Variants in SUCLG2 observed in about 807,000 individuals in gnomAD.
SUCLG2 encodes the protein succinate--CoA ligase [GDP-forming] subunit beta, mitochondrial.
SUCLG2 carries 42 observed loss-of-function variants against 47.9 expected under a neutral mutation model. The observed-to-expected ratio is 0.88, with a 90% CI of 0.69 to 1.14. SUCLG2 has a LOEUF of 1.14. Among genes scored for constraint, SUCLG2 ranks in the 50% most tolerant of loss-of-function variants. SUCLG2 has a pLI of 0.00. For synonymous variants in SUCLG2, 195 were observed against 197.3 expected (o/e 0.99, Z 0.10); for missense variants, 571 against 525.9 (o/e 1.09, Z -0.84).
At chr3:67,362,810 C>A (rs1250918841) in intron 10 of SUCLG2, among the ~76,000 whole-genome samples, 2 of 152,114 alleles carry the variant, frequency 1.3e-5, no homozygotes, top group Non-Finnish European at 2.9e-5. Flanking sequence ...CTGAGAGGTA[C>A]ACAAATAAGC....
At chr3:67,364,279 T>A (rs1701846780) in intron 10 of SUCLG2, among the ~76,000 whole-genome samples, 1 of 152,108 alleles carries the variant, frequency 6.6e-6, no homozygotes, top group South Asian at 2.1e-4. Flanking sequence ...TTCTAGACAG[T>A]AACAAGACTT....
Position 67,360,675 on chromosome 3 carries a change from G to A in SUCLG2, c.1277C>T (p.Ala426Val), listed in dbSNP as rs1238768986. The change falls in exon 11 of 11, where the codon GCC becomes GTC. Residue 426 changes from alanine to valine, a missense_variant. Transcript: ENST00000493112. Reference sequence around the variant, plus strand: ...GGCACACTTACTCAGATTTTGGTGGGCGACGTTCTCTTGGATACCAGTTAT... The same window carrying A: ...GGCACACTTACTCAGATTTTGGTGGACGACGTTCTCTTGGATACCAGTTAT... 3.0e-5 allele frequency: 46 copies of A among 1,522,888 alleles called. No homozygotes were observed. The highest frequency in any genetic ancestry group is 3.8e-5 in the Non-Finnish European group (43 of 1,138,506). The allele number at this position is 1,522,888 out of a possible 1,614,324, so 94.3% of individuals were successfully genotyped here.
chr3:67,652,754 A>G (rs765069899), intron 1 of SUCLG2, among the ~76,000 whole-genome samples: 2 of 152,204 alleles, frequency 1.3e-5, no homozygotes, highest in Non-Finnish European at 2.9e-5. Flanking sequence ...TTACTCTGGA[A>G]TGCCACAAAC....
At chr3:67,452,027 A>G (rs1272953481) in intron 9 of SUCLG2, among the ~76,000 whole-genome samples, 1 of 152,126 alleles carries the variant, frequency 6.6e-6, no homozygotes, top group Non-Finnish European at 1.5e-5. Context: ...TTCATTGTCA[A>G]CTCCCTAGAA....
At chr3:67,538,025 G>C (rs1169539350) in intron 2 of SUCLG2, among the ~76,000 whole-genome samples, 1 of 152,168 alleles carries the variant, frequency 6.6e-6, no homozygotes, top group Non-Finnish European at 1.5e-5. Flanking sequence ...TAGGCTGCCT[G>C]TTCACTCGGA....
chr3:67,443,664 G>A (rs1468618244), intron 9 of SUCLG2, among the ~76,000 whole-genome samples: 15 of 85,384 alleles, frequency 1.8e-4, no homozygotes, highest in East Asian at 1.3e-3. Context: ...CTGCCTGGCC[G>A]CCCATCGTCT....
intron 9 of SUCLG2, among the ~76,000 whole-genome samples, chr3:67,409,368 T>C (rs1266458618): frequency 6.6e-6 from 1 of 152,148 alleles, no homozygotes; most frequent in Admixed American, 6.5e-5. Context: ...CCATAAAAAT[T>C]CTAATGGTGA....
intron 10 of SUCLG2, among the ~76,000 whole-genome samples, chr3:67,385,246 T>C (rs1255762855): frequency 6.6e-6 from 1 of 152,146 alleles, no homozygotes; most frequent in African/African-American, 2.4e-5. Context: ...CCTCTCCTTA[T>C]AAAAATGGCC....
At chr3:67,480,286 A>G (rs1704879153) in intron 9 of SUCLG2, among the ~76,000 whole-genome samples, 1 of 152,214 alleles carries the variant, frequency 6.6e-6, no homozygotes, top group Non-Finnish European at 1.5e-5. Context: ...AATAAGGAGG[A>G]GCTATAGAGC....
intron 10 of SUCLG2, 74 bp from the exon 11 acceptor site, chr3:67,375,933 C>T: frequency 6.4e-7 from 1 of 1,552,524 alleles, no homozygotes; most frequent in East Asian, 2.4e-5. Context: ...CAAGGACACA[C>T]AAGACTCACC....
intron 4 of SUCLG2, 41 bp downstream of exon 4, chr3:67,528,084 CTATTTTT>C (rs1327166526): frequency 6.5e-7 from 1 of 1,529,980 alleles, no homozygotes; most frequent in Non-Finnish European, 9.0e-7. Flanking sequence ...GTTTTCTTTT[CTATTTTT>C]TAACACATAT....
chr3:67,523,496 A>G (rs1164772882), intron 4 of SUCLG2, among the ~76,000 whole-genome samples: 1 of 152,190 alleles, frequency 6.6e-6, no homozygotes, highest in East Asian at 1.9e-4. Context: ...TTGAAACCGT[A>G]AATTCTTTCA....
intron 2 of SUCLG2, among the ~76,000 whole-genome samples, chr3:67,580,779 A>T (rs1220554286): frequency 2.0e-5 from 3 of 152,226 alleles, no homozygotes; most frequent in Non-Finnish European, 2.9e-5. Context: ...ATAATTTCAC[A>T]AGTGAGTTGT....
chr3:67,402,737 T>C (rs78993912), intron 9 of SUCLG2, among the ~76,000 whole-genome samples: 247 of 152,336 alleles, frequency 1.6e-3, no homozygotes, highest in Non-Finnish European at 3.1e-3. Context: ...AAAACACACA[T>C]TGGCACCTGC....
intron 2 of SUCLG2, among the ~76,000 whole-genome samples, chr3:67,591,600 T>C (rs1419027439): frequency 2.6e-5 from 4 of 152,168 alleles, no homozygotes; most frequent in African/African-American, 7.2e-5. Flanking sequence ...CATTTTTCTC[T>C]TGCTGCCACC....
chr3:67,408,951 T>C, intron 9 of SUCLG2: 4 of 1,534,450 alleles, frequency 2.6e-6, no homozygotes, highest in East Asian at 2.4e-5. Context: ...CAGCTCCATA[T>C]TGGTCCTATT....
At chr3:67,520,171 T>A (rs1706056440) in intron 5 of SUCLG2, among the ~76,000 whole-genome samples, 1 of 151,970 alleles carries the variant, frequency 6.6e-6, no homozygotes, top group Admixed American at 6.6e-5. Flanking sequence ...GAAATGAAAA[T>A]ATAGCAGTCC....
At chr3:67,443,608 G>A (rs1703830991) in intron 9 of SUCLG2, among the ~76,000 whole-genome samples, 1 of 69,148 alleles carries the variant, frequency 1.4e-5, no homozygotes, top group Non-Finnish European at 3.2e-5. Flanking sequence ...GAAGTGAGGA[G>A]CGCCTCTTCC....
At chr3:67,540,473 A>G (rs1706673346) in intron 2 of SUCLG2, among the ~76,000 whole-genome samples, 1 of 152,080 alleles carries the variant, frequency 6.6e-6, no homozygotes, top group Admixed American at 6.5e-5. Context: ...TGGCAAAGTC[A>G]CTGTAGCCAG....
Sources: gnomAD v4.1 joint callset for allele counts (sites outside exome capture counted in the v4.1 genomes callset) on GRCh38, gnomAD v4.1.1 for gene constraint, MANE v1.5 for transcripts, NCBI Gene and HGNC (gene_info 2026-07-23, HGNC 2026-07-21) for gene names.